QKI: variants seen among roughly 807,000 people sequenced by gnomAD.
QKI encodes QKI, KH domain containing RNA binding.
QKI carries 10 observed loss-of-function variants against 39.0 expected under a neutral mutation model. The ratio of observed to expected loss-of-function variants is 0.26; its 90% confidence interval spans 0.16 to 0.43. QKI has a LOEUF of 0.43. Ranked by LOEUF, QKI falls within the 20% of genes least tolerant of loss-of-function variation. QKI has a pLI of 1.00. For missense variants in QKI, 218 were observed against 428.0 expected (o/e 0.51, Z 4.33); for synonymous variants, 204 against 155.4 (o/e 1.31, Z -2.33).
At chr6:163,459,876 C>T (rs1485915569) in intron 2 of QKI, among the ~76,000 whole-genome samples, 1 of 152,162 alleles carries the variant, frequency 6.6e-6, no homozygotes, top group Non-Finnish European at 1.5e-5. Context: ...ATATTTAGAC[C>T]ATCAAATTGT....
At chr6:163,570,527 C>T (rs1397250224) in intron 7 of QKI, 167 bp from the exon 8 acceptor site, 2 of 970,516 alleles carry the variant, frequency 2.1e-6, no homozygotes, top group East Asian at 1.2e-4. Flanking sequence ...TAATTGTATT[C>T]TGTAGATGGT....
At chr6:163,425,812 T>G (rs2128209134) in intron 1 of QKI, among the ~76,000 whole-genome samples, 1 of 152,300 alleles carries the variant, frequency 6.6e-6, no homozygotes, top group South Asian at 2.1e-4. Context: ...CTTTTATTTC[T>G]ATATGAGCTA....
At chr6:163,513,586 T>A (rs558756644) in intron 3 of QKI, among the ~76,000 whole-genome samples, 2 of 152,290 alleles carry the variant, frequency 1.3e-5, no homozygotes, top group South Asian at 4.1e-4. Context: ...AGTATCAGTT[T>A]TTAGTCATGT....
At chr6:163,449,385 C>G (rs1197312472) in intron 1 of QKI, among the ~76,000 whole-genome samples, 2 of 152,132 alleles carry the variant, frequency 1.3e-5, no homozygotes, top group South Asian at 2.1e-4. Flanking sequence ...AGCTCCTGCT[C>G]TAGTACAATG....
At chr6:163,444,481 CTTT>C (rs1562439870) in intron 1 of QKI, among the ~76,000 whole-genome samples, 2 of 152,166 alleles carry the variant, frequency 1.3e-5, no homozygotes, top group Non-Finnish European at 2.9e-5. Flanking sequence ...GGATTGTAAT[CTTT>C]CTCCACCTTC....
intron 1 of QKI, among the ~76,000 whole-genome samples, chr6:163,418,511 G>A (rs995603211): frequency 6.6e-6 from 1 of 152,064 alleles, no homozygotes; most frequent in African/African-American, 2.4e-5. Flanking sequence ...GCTGGTGGTG[G>A]GGGTGTGTGT....
intron 1 of QKI, among the ~76,000 whole-genome samples, chr6:163,433,055 A>T (rs901509382): frequency 6.6e-6 from 1 of 152,234 alleles, no homozygotes; most frequent in Non-Finnish European, 1.5e-5. Flanking sequence ...GTTTTAGGTT[A>T]TAGGAAAATT....
At chr6:163,443,006 G>A (rs933300171) in intron 1 of QKI, among the ~76,000 whole-genome samples, 1 of 152,166 alleles carries the variant, frequency 6.6e-6, no homozygotes, top group African/African-American at 2.4e-5. Flanking sequence ...AGTAATAAAT[G>A]TAGATTTGCC....
At chr6:163,492,599 A>AT (rs1778126311) in intron 3 of QKI, among the ~76,000 whole-genome samples, 1 of 152,210 alleles carries the variant, frequency 6.6e-6, no homozygotes, top group South Asian at 2.1e-4. Context: ...GTGAATTAAA[A>AT]TAAGTATAAG....
In QKI at chr6:163,495,040, C is replaced by T. The variant is rs370045188; in HGVS notation, c.402+16144C>T. 1.5e-4 allele frequency among the ~76,000 whole-genome samples: 23 copies of T among 152,050 alleles called. No homozygotes were observed. The South Asian group carries it at 4.4e-3, about 29-fold the overall frequency. ...AGGCGATTCCCTTGCCTCAGCCTCC[C>T]AGGTATCTGGGATTATAGGAGCGTG... On this transcript the variant is annotated intron_variant, in intron 3 of 7. Transcript: ENST00000361752.
chr6:163,416,737 A>C (rs780439688), intron 1 of QKI, among the ~76,000 whole-genome samples: 1 of 152,214 alleles, frequency 6.6e-6, no homozygotes, highest in Non-Finnish European at 1.5e-5. Context: ...TTGCTTCCGT[A>C]TGTTAAACAT....
chr6:163,557,036 G>T (rs1222265975), intron 4 of QKI, among the ~76,000 whole-genome samples: 4 of 152,088 alleles, frequency 2.6e-5, no homozygotes, highest in Admixed American at 2.6e-4. Flanking sequence ...CCTTATATGA[G>T]AATTTTCAGA....
intron 1 of QKI, among the ~76,000 whole-genome samples, chr6:163,436,457 C>T (rs539822923): frequency 2.0e-5 from 3 of 152,044 alleles, no homozygotes; most frequent in Admixed American, 6.5e-5. Flanking sequence ...GCAAGAAAAA[C>T]GTTTTACAAA....
intron 4 of QKI, among the ~76,000 whole-genome samples, chr6:163,539,524 T>C (rs1781389749): frequency 6.6e-6 from 1 of 152,120 alleles, no homozygotes; most frequent in Admixed American, 6.5e-5. Context: ...TCCAGCCTCA[T>C]GGTAGTTCCT....
intron 2 of QKI, chr6:163,457,592 G>C (rs1161806479): frequency 2.7e-6 from 1 of 368,770 alleles, no homozygotes; most frequent in Admixed American, 3.5e-5. Flanking sequence ...AAGCCCTGTA[G>C]ATAATTCCGA....
At chr6:163,537,259 G>A (rs1781262171) in intron 4 of QKI, among the ~76,000 whole-genome samples, 1 of 152,186 alleles carries the variant, frequency 6.6e-6, no homozygotes, top group African/African-American at 2.4e-5. Flanking sequence ...AAGATTAAAT[G>A]AGATGATACA....
At chr6:163,468,150 C>T (rs932083143) in intron 2 of QKI, among the ~76,000 whole-genome samples, 2 of 151,588 alleles carry the variant, frequency 1.3e-5, no homozygotes, top group Admixed American at 6.6e-5. Flanking sequence ...TATACATATA[C>T]GCTTCTGTGA....
chr6:163,475,433 A>G (rs1792512733), intron 2 of QKI, among the ~76,000 whole-genome samples: 1 of 152,226 alleles, frequency 6.6e-6, no homozygotes, highest in East Asian at 1.9e-4. Context: ...TAAAGATGAT[A>G]TAAATTATAT....
chr6:163,472,088 A>G (rs917961256), intron 2 of QKI, among the ~76,000 whole-genome samples: 1 of 152,140 alleles, frequency 6.6e-6, no homozygotes, highest in African/African-American at 2.4e-5. Flanking sequence ...AAATCCACGT[A>G]TAACTTTTAA....
Sources: gnomAD v4.1 joint callset for allele counts (sites outside exome capture counted in the v4.1 genomes callset) on GRCh38, gnomAD v4.1.1 for gene constraint, MANE v1.5 for transcripts, NCBI Gene and HGNC (gene_info 2026-07-23, HGNC 2026-07-21) for gene names.